The following FBXO34 variants were observed in gnomAD, a reference collection of about 807,000 sequenced individuals.
FBXO34 encodes F-box only protein 34.
FBXO34 carries 12 observed loss-of-function variants against 24.5 expected under a neutral mutation model. That is an observed-to-expected ratio of 0.49 (90% confidence interval 0.31 to 0.79). The LOEUF (loss-of-function observed/expected upper bound fraction) is 0.79, where lower values mean the gene tolerates loss of function less well. FBXO34 is among the 30% of genes least tolerant of loss of function. The probability of loss-of-function intolerance (pLI) is 0.04; values close to 1 mark genes in which losing one functional copy is unlikely to be tolerated. For missense variants in FBXO34, 823 were observed against 857.7 expected (o/e 0.96, Z 0.51); for synonymous variants, 320 against 311.9 (o/e 1.03, Z -0.27).
intron 1 of FBXO34, among the ~76,000 whole-genome samples, chr14:55,344,396 C>T (rs1225619297): frequency 6.6e-6 from 1 of 151,966 alleles, no homozygotes; most frequent in Admixed American, 6.5e-5. Flanking sequence ...TTATCTCTAT[C>T]CAGAAAACTT....
chr14:55,360,163 C>G (rs892439600), intron 3 of FBXO34, among the ~76,000 whole-genome samples: 7 of 152,098 alleles, frequency 4.6e-5, no homozygotes, highest in Admixed American at 2.0e-4. Flanking sequence ...GCCTCCACCT[C>G]CTGGGTTCAA....
rs772617019 is a variant in FBXO34 at position 55,351,721 on chromosome 14, G to C, written c.1331G>C (p.Ser444Thr). 1.1e-5 allele frequency: 18 copies of C among 1,614,090 alleles called. No homozygotes were observed. In the Admixed American group the frequency reaches 3.0e-4, roughly 27 times the overall value. The change falls in exon 2 of 2, where the codon AGC becomes ACC. Residue 444 changes from serine to threonine, a missense_variant. Physicochemically the swap from Ser to Thr is moderately conservative, Grantham distance 58 (BLOSUM62 1). Transcript: ENST00000313833. ...CMSRELVSLT[S>T]RNPDQRKESL... ...AGCAGAGAGCTTGTGTCCCTTACTAGCCGAAATCCTGATCAAAGAAAAGAA... is the reference window on the plus strand; with the variant it reads ...AGCAGAGAGCTTGTGTCCCTTACTACCCGAAATCCTGATCAAAGAAAAGAA...
intron 1 of FBXO34, among the ~76,000 whole-genome samples, chr14:55,275,650 T>TAA (rs772731752): frequency 5.7e-4 from 76 of 133,940 alleles, no homozygotes; most frequent in African/African-American, 2.1e-3. Flanking sequence ...CCATCTCTAC[T>TAA]AAAAAAAAAA....
At chr14:55,309,691 A>AT (rs1241250559) in intron 1 of FBXO34, among the ~76,000 whole-genome samples, 2 of 152,118 alleles carry the variant, frequency 1.3e-5, no homozygotes, top group East Asian at 1.9e-4. Context: ...TCTGTTTTTT[A>AT]TTTTTTTGCT....
intron 1 of FBXO34, among the ~76,000 whole-genome samples, chr14:55,311,983 C>G (rs371481412): frequency 3.5e-4 from 53 of 152,266 alleles, no homozygotes; most frequent in Non-Finnish European, 5.7e-4. Flanking sequence ...AGGCAGATCA[C>G]GAGGTAAGGC....
At chr14:55,295,715 A>AT (rs1014561972) in intron 1 of FBXO34, among the ~76,000 whole-genome samples, 22 of 152,032 alleles carry the variant, frequency 1.4e-4, no homozygotes, top group Admixed American at 2.6e-4. Flanking sequence ...ATTCTTCGCC[A>AT]TTTTTTCTTG....
intron 1 of FBXO34, among the ~76,000 whole-genome samples, chr14:55,310,885 T>A (rs1477376733): frequency 6.6e-6 from 1 of 152,134 alleles, no homozygotes; most frequent in African/African-American, 2.4e-5. Context: ...CTGAACTGTT[T>A]TATAAACTCT....
intron 1 of FBXO34, among the ~76,000 whole-genome samples, chr14:55,321,740 C>G (rs1339501245): frequency 6.6e-6 from 1 of 152,112 alleles, no homozygotes; most frequent in Non-Finnish European, 1.5e-5. Flanking sequence ...AGCTCAGTAC[C>G]AAGGCACAGT....
chr14:55,393,843 C>T, the FBXO34 span, among the ~76,000 whole-genome samples: 1 of 151,924 alleles, frequency 6.6e-6, no homozygotes, highest in African/African-American at 2.4e-5. Context: ...CACCACCACA[C>T]CCAGCGCAGA....
At chr14:55,390,799 G>C in the FBXO34 span, 1 of 705,854 alleles carries the variant, frequency 1.4e-6, no homozygotes, top group South Asian at 1.8e-5. Context: ...AATTCTCCAA[G>C]TTGCCACTGC....
chr14:55,411,891 A>C, the FBXO34 span: 6 of 1,413,274 alleles, frequency 4.2e-6, no homozygotes, highest in South Asian at 6.6e-5. Flanking sequence ...GGCCAGGAGG[A>C]GGGGCCTGGG....
chr14:55,365,073 A>AC (rs1441614264), downstream of FBXO34, among the ~76,000 whole-genome samples: 1,631 of 150,794 alleles, frequency 0.011, 13 homozygotes, highest in Middle Eastern at 0.027. Flanking sequence ...AAAAAAAAAA[A>AC]AAAAAGCCAG....
chr14:55,427,455 A>C, the FBXO34 span, among the ~76,000 whole-genome samples: 1 of 152,228 alleles, frequency 6.6e-6, no homozygotes, highest in East Asian at 1.9e-4. Flanking sequence ...AACAAATGTT[A>C]GGGAAAGCAC....
intron 1 of FBXO34, among the ~76,000 whole-genome samples, chr14:55,313,002 C>A (rs533202947): frequency 6.6e-6 from 1 of 152,328 alleles, no homozygotes; most frequent in South Asian, 2.1e-4. Context: ...TCTGTCACAT[C>A]ATCAGGCTGC....
chr14:55,416,425 C>A, the FBXO34 span, among the ~76,000 whole-genome samples: 2 of 151,112 alleles, frequency 1.3e-5, no homozygotes, highest in African/African-American at 4.9e-5. Flanking sequence ...CACCCTGTCT[C>A]CATAAAAATA....
the FBXO34 span, among the ~76,000 whole-genome samples, chr14:55,431,782 G>A: frequency 6.6e-6 from 1 of 152,154 alleles, no homozygotes; most frequent in Non-Finnish European, 1.5e-5. Flanking sequence ...CAAAATTCTA[G>A]ATCTGCTCTG....
the FBXO34 span, chr14:55,428,693 C>T: frequency 3.5e-6 from 4 of 1,144,352 alleles, no homozygotes; most frequent in African/African-American, 6.3e-5. Context: ...TATTGTGTCC[C>T]CCGCCTTTTT....
At chr14:55,316,564 C>CA (rs35008153) in intron 1 of FBXO34, among the ~76,000 whole-genome samples, 12,152 of 118,058 alleles carry the variant, frequency 0.1, 1,302 homozygotes, top group African/African-American at 0.28. Context: ...CTGTCTCTAC[C>CA]AAAAAAAAAA....
At chr14:55,301,050 A>T (rs997591232) in intron 1 of FBXO34, among the ~76,000 whole-genome samples, 1 of 152,234 alleles carries the variant, frequency 6.6e-6, no homozygotes, top group African/African-American at 2.4e-5. Flanking sequence ...AATGACAGTG[A>T]ATTAGAAGTT....
Sources: allele counts gnomAD v4.1 joint callset (sites outside exome capture counted in the v4.1 genomes callset), GRCh38; gene constraint gnomAD v4.1.1; transcripts MANE v1.5; gene names NCBI Gene and HGNC (gene_info 2026-07-23, HGNC 2026-07-21).